USP3: variants seen among roughly 807,000 people sequenced by gnomAD.
USP3 encodes ubiquitin specific peptidase 3.
USP3 carries 20 observed loss-of-function variants against 72.3 expected under a neutral mutation model. The observed-to-expected ratio is 0.28, with a 90% CI of 0.19 to 0.40. USP3 has a LOEUF of 0.40. USP3 is among the 10% of genes least tolerant of loss of function. USP3 has a pLI of 1.00. For missense variants in USP3, 479 were observed against 633.9 expected, an observed-to-expected ratio of 0.76 and a Z score of 2.62; for synonymous variants, 222 against 225.3, an observed-to-expected ratio of 0.99 and a Z score of 0.13.
intron 1 of USP3, among the ~76,000 whole-genome samples, chr15:63,517,937 A>G (rs1214976492): frequency 1.3e-5 from 2 of 151,984 alleles, no homozygotes; most frequent in East Asian, 3.8e-4. Context: ...TGGTTACCTC[A>G]CACTGTTCTC....
chr15:63,519,933 G>A (rs1267922478), intron 1 of USP3, among the ~76,000 whole-genome samples: 3 of 151,924 alleles, frequency 2.0e-5, no homozygotes, highest in Non-Finnish European at 2.9e-5. Flanking sequence ...TAGCTGGTGG[G>A]AGCACCCTTA....
chr15:63,510,690 G>A (rs989202977), intron 1 of USP3, among the ~76,000 whole-genome samples: 1 of 152,030 alleles, frequency 6.6e-6, no homozygotes, highest in Non-Finnish European at 1.5e-5. Flanking sequence ...TTTTTGGAGG[G>A]TGTGTTTGTG....
At chr15:63,527,932 G>C (rs1317577939) in intron 1 of USP3, 1 of 152,198 alleles carries the variant, frequency 6.6e-6, no homozygotes, top group African/African-American at 2.4e-5. Flanking sequence ...TAGAGGCTGG[G>C]GCTCTTCCCA....
chr15:63,588,153 T>C lies in USP3; in HGVS notation c.1097-152T>C, dbSNP rs1166587585. ...AATAGTTCTTCAAAGTAGGTATTAT[T>C]TTTTGTCTCCAGTTTGCAATTGAGA... On this transcript the variant is annotated intron_variant, in intron 11 of 14. Coordinates refer to ENST00000380324, the MANE Select transcript of USP3 (RefSeq NM_006537.4). This position sits in a 1 kb window ranked among gnomAD's most constrained non-coding sequence, Gnocchi z 4.6. 5 of 552,420 alleles carry C rather than the reference T, an allele frequency of 9.1e-6. No individual in the cohort carries two copies. Among genetic ancestry groups the C allele is most frequent in the Non-Finnish European group, 1.6e-5 (5 of 318,098 alleles). 34.2% of individuals were successfully genotyped at this position (552,420 alleles called of 1,614,324 possible).
In USP3 at chr15:63,570,578, A is replaced by G. The variant is rs1171348758; in HGVS notation, c.907A>G (p.Ile303Val). 2 of 1,607,668 alleles carry G rather than the reference A, an allele frequency of 1.2e-6. No homozygotes were observed. Among genetic ancestry groups the G allele is most frequent in the Non-Finnish European group, 1.7e-6 (2 of 1,177,104 alleles). Residue 303 changes from isoleucine (I) to valine (V), a missense_variant and splice_region_variant, in exon 9 of 15, where the codon ATA becomes GTA. Physicochemically the swap from Ile to Val is conservative, Grantham distance 29. Coordinates refer to ENST00000380324, the MANE Select transcript of USP3 (RefSeq NM_006537.4). This position sits in a 1 kb window ranked among gnomAD's most constrained non-coding sequence, Gnocchi z 4.4. The part of the protein sequence containing the change: ...STLSASNKCC[I>V]NGASTVVTAI... ...TCTGTCTGCAAGTAACAAGTGTTGC[A>G]TGTAAGATTTAGTTGCCTTCTGTTT...
At chr15:63,550,712 C>T (rs912095460) in intron 3 of USP3, among the ~76,000 whole-genome samples, 2 of 152,202 alleles carry the variant, frequency 1.3e-5, no homozygotes, top group Non-Finnish European at 2.9e-5. Context: ...GACTTTTATT[C>T]ACTGACAGTT....
chr15:63,589,485 T>G (rs1309446798), intron 14 of USP3, among the ~76,000 whole-genome samples: 2 of 152,214 alleles, frequency 1.3e-5, no homozygotes, highest in African/African-American at 4.8e-5. Context: ...GACTACTATA[T>G]GTGGGCAGAC....
chr15:63,559,234 T>C (rs2066564229), intron 6 of USP3, among the ~76,000 whole-genome samples: 2 of 152,166 alleles, frequency 1.3e-5, no homozygotes, highest in African/African-American at 4.8e-5. Flanking sequence ...GTAGTAAAAA[T>C]AAAATAGTCA....
chr15:63,547,545 C>T (rs948439621), intron 3 of USP3, among the ~76,000 whole-genome samples: 1 of 151,030 alleles, frequency 6.6e-6, no homozygotes, highest in African/African-American at 2.4e-5. Flanking sequence ...GCCAGGGCAA[C>T]ATAGTGAGAC....
Position 63,588,438 on chromosome 15 carries a change from T to G in USP3, c.1215+15T>G. On this transcript the variant is annotated intron_variant, in intron 12 of 14. Coordinates refer to ENST00000380324, the MANE Select transcript of USP3 (RefSeq NM_006537.4). The surrounding 1 kb of genome is among the most constrained non-coding windows in gnomAD (Gnocchi z 4.6). ...AACTACCCAAGGTGAGTGTTGAATT[T>G]TGAGTTATGAAGCAATTTCAATGGG... The G allele has an allele frequency of 6.4e-7, 1 of 1,568,998 alleles. No individual in the cohort carries two copies. The highest frequency in any genetic ancestry group is 8.7e-7 in the Non-Finnish European group (1 of 1,151,990).
intron 8 of USP3, among the ~76,000 whole-genome samples, chr15:63,565,268 T>C (rs1319744357): frequency 1.3e-5 from 2 of 152,182 alleles, no homozygotes; most frequent in African/African-American, 4.8e-5. Flanking sequence ...CAGCTTTGGA[T>C]AGAGAAATCA....
chr15:63,568,126 G>A (rs896589840), intron 8 of USP3, among the ~76,000 whole-genome samples: 12 of 152,082 alleles, frequency 7.9e-5, no homozygotes, highest in East Asian at 5.8e-4. Flanking sequence ...AGGCCGAGGC[G>A]GGCGGATCAC....
chr15:63,518,702 A>T (rs990331327), intron 1 of USP3, among the ~76,000 whole-genome samples: 2 of 151,864 alleles, frequency 1.3e-5, no homozygotes, highest in South Asian at 4.2e-4. Context: ...CTGTTTATAT[A>T]TTTCCCCTTA....
In USP3 at chr15:63,574,362, G is replaced by A. The variant is rs773924486; in HGVS notation, c.1055G>A (p.Arg352His). Reference sequence around the variant, plus strand: ...ATTCCAAGTCAGTTCAGAAGTAAGCGCTCTAAGAATCAAGAAAATGGACCA... The same window carrying A: ...ATTCCAAGTCAGTTCAGAAGTAAGCACTCTAAGAATCAAGAAAATGGACCA... The part of the protein sequence containing the change: ...LDIPSQFRSK[R>H]SKNQENGPVC... The change falls in exon 11 of 15, where the codon CGC (arginine) becomes CAC (histidine). Residue 352 changes from arginine (R) to histidine (H), a missense_variant. Transcript: ENST00000380324. The surrounding 1 kb of genome is among the most constrained non-coding windows in gnomAD (Gnocchi z 4.6). 6.9e-6 allele frequency: 11 copies of A among 1,605,656 alleles called. No homozygotes were observed. The highest frequency in any genetic ancestry group is 4.5e-5 in the South Asian group (4 of 89,054).
intron 11 of USP3, among the ~76,000 whole-genome samples, chr15:63,577,577 C>A (rs930587633): frequency 2.2e-4 from 34 of 152,188 alleles, no homozygotes; most frequent in Non-Finnish European, 4.6e-4. Flanking sequence ...CATGGTGAAA[C>A]CCCGTCTCTA....
chr15:63,523,227 C>T (rs1351836977), intron 1 of USP3, among the ~76,000 whole-genome samples: 1 of 152,056 alleles, frequency 6.6e-6, no homozygotes, highest in African/African-American at 2.4e-5. Flanking sequence ...GAGTGCTTTC[C>T]GTTGATTAGG....
intron 3 of USP3, among the ~76,000 whole-genome samples, chr15:63,538,942 A>C (rs775414497): frequency 2.5e-4 from 38 of 152,282 alleles, no homozygotes; most frequent in Non-Finnish European, 5.0e-4. Context: ...CTGGAGAGAG[A>C]GAAGCTAGAG....
At chr15:63,587,952 C>T (rs2152684591) in intron 11 of USP3, 2 of 168,348 alleles carry the variant, frequency 1.2e-5, no homozygotes, top group Middle Eastern at 2.8e-3. Flanking sequence ...GGAGCTTTGT[C>T]CTGTATAATG....
At position 63,528,211 on chromosome 15, in the gene USP3, G is replaced by C. The variant is rs2066013397; in HGVS notation, c.92-4436G>C. On this transcript the variant is annotated intron_variant, in intron 1 of 14. Transcript: ENST00000380324. This position sits in a 1 kb window ranked among gnomAD's most constrained non-coding sequence, Gnocchi z 4.3. ...GTTGGAAGAATCCAAGTAAACCGAA[G>C]AAATTTGCTGGAGGACGGGGTATCT... 1 of 152,242 alleles carries C rather than the reference G, an allele frequency of 6.6e-6. No individual in the cohort carries two copies. Among genetic ancestry groups the C allele is most frequent in the Non-Finnish European group, 1.5e-5 (1 of 68,046 alleles). The allele number at this position is 152,242 out of a possible 1,614,324, so 9.4% of individuals were successfully genotyped here.
Sources: gnomAD v4.1 joint callset for allele counts (sites outside exome capture counted in the v4.1 genomes callset) on GRCh38, gnomAD v4.1.1 for gene constraint, Gnocchi (gnomAD v3.1) non-coding constraint, MANE v1.5 for transcripts, NCBI Gene and HGNC (gene_info 2026-07-23, HGNC 2026-07-21) for gene names.